PCDHGB3: variants seen among roughly 807,000 people sequenced by gnomAD.
PCDHGB3 encodes the protein protocadherin gamma-B3.
A neutral mutation model predicts 59.2 loss-of-function variants in PCDHGB3; 40 were observed. That is an observed-to-expected ratio of 0.68 (90% CI 0.52 to 0.88). The LOEUF (loss-of-function observed/expected upper bound fraction) is 0.88. Ranked by LOEUF, PCDHGB3 falls within the 40% of genes least tolerant of loss-of-function variation. The pLI is 0.00. For synonymous variants in PCDHGB3, 581 were observed against 503.6 expected (o/e 1.15, Z -2.06); for missense variants, 1,309 against 1,187.9 (o/e 1.10, Z -1.50).
chr5:141,415,740 GTTTTTTTTT>G (rs57426385), intron 1 of PCDHGB3: 9,508 of 621,550 alleles, frequency 0.015, 13 homozygotes, highest in Non-Finnish European at 0.016. Context: ...GTTTATTAAG[GTTTTTTTTT>G]TTTTTTTTTT....
At chr5:141,430,907 A>G (rs776543955) in intron 1 of PCDHGB3, 1 of 1,606,916 alleles carries the variant, frequency 6.2e-7, no homozygotes, top group Non-Finnish European at 8.5e-7. Flanking sequence ...CGACATCTCC[A>G]GGGACCTGGG....
At chr5:141,397,842 G>T (rs7703108) in intron 1 of PCDHGB3, 79,958 of 516,008 alleles carry the variant, frequency 0.15, 7,302 homozygotes, top group African/African-American at 0.31. Flanking sequence ...ACTTGAAGCC[G>T]CAGAGGCTGT....
chr5:141,374,457 A>G (rs775796857), intron 1 of PCDHGB3: 1 of 1,613,430 alleles, frequency 6.2e-7, no homozygotes. Context: ...GAAATAGTGG[A>G]CATTAATGAC....
chr5:141,432,586 C>T lies in PCDHGB3; in HGVS notation c.2415+59777C>T. The T allele has an allele frequency of 1.9e-6, 3 of 1,613,852 alleles. No homozygotes were observed. Among genetic ancestry groups the T allele is most frequent in the Non-Finnish European group, 2.5e-6 (3 of 1,179,972 alleles). On this transcript the variant is annotated intron_variant, in intron 1 of 3. Transcript: ENST00000576222. The surrounding 1 kb of genome is among the most constrained non-coding windows in gnomAD (Gnocchi z 6.0). ...ACGCCTGGCTGTCCTACCGTCTGCT[C>T]AAGGCCAGCGAGCCGGGACTCTTCT...
chr5:141,423,119 G>A (rs769320490), intron 1 of PCDHGB3: 1 of 1,613,774 alleles, frequency 6.2e-7, no homozygotes, highest in South Asian at 1.1e-5. Context: ...CGTACAGCGC[G>A]GGCACTGCTG....
At chr5:141,374,927 G>A (rs754203986) in intron 1 of PCDHGB3, 1 of 1,613,960 alleles carries the variant, frequency 6.2e-7, no homozygotes, top group Non-Finnish European at 8.5e-7. Flanking sequence ...TTATTCCTTT[G>A]TGAAGATTAC....
intron 1 of PCDHGB3, among the ~76,000 whole-genome samples, chr5:141,429,377 GT>G (rs566693637): frequency 1.3e-4 from 20 of 149,526 alleles, no homozygotes; most frequent in South Asian, 8.5e-4. Flanking sequence ...GAGAAAATGT[GT>G]TTTTTTTTTA....
chr5:141,508,829 C>G (rs370074494), intron 3 of PCDHGB3, among the ~76,000 whole-genome samples: 10 of 152,240 alleles, frequency 6.6e-5, no homozygotes, highest in Middle Eastern at 3.4e-3. Context: ...TCTGGGCCCC[C>G]CTCCCCTACC....
intron 1 of PCDHGB3, chr5:141,393,583 C>T: frequency 6.2e-7 from 1 of 1,613,930 alleles, no homozygotes. Flanking sequence ...AACATGCCCC[C>T]AGGCACGCGG....
chr5:141,460,430 G>T (rs1163518139), intron 1 of PCDHGB3, among the ~76,000 whole-genome samples: 2 of 152,110 alleles, frequency 1.3e-5, no homozygotes, highest in African/African-American at 4.8e-5. Flanking sequence ...ATGGTGTATG[G>T]TGTGAGGTAA....
intron 1 of PCDHGB3, chr5:141,418,015 G>C: frequency 6.2e-7 from 1 of 1,613,964 alleles, no homozygotes; most frequent in Non-Finnish European, 8.5e-7. Context: ...ACCTCGCTAA[G>C]GATCTAGGGC....
intron 1 of PCDHGB3, chr5:141,409,257 T>C: frequency 6.2e-7 from 1 of 1,614,022 alleles, no homozygotes; most frequent in Non-Finnish European, 8.5e-7. Flanking sequence ...ATCACTTCTC[T>C]CTCTGATCAG....
rs1275109387 is a variant in PCDHGB3 at position 141,431,924 on chromosome 5, A to G, written c.2415+59115A>G. The G allele has an allele frequency of 1.1e-5, 17 of 1,614,050 alleles. No homozygotes were observed. Among genetic ancestry groups the G allele is most frequent in the Non-Finnish European group, 1.4e-5 (17 of 1,179,982 alleles). On this transcript the variant is annotated intron_variant, in intron 1 of 3. Coordinates refer to ENST00000576222, the MANE Select transcript of PCDHGB3 (RefSeq NM_018924.5). The surrounding 1 kb of genome is among the most constrained non-coding windows in gnomAD (Gnocchi z 4.8). ...ACAGGTGATCTGTTTCATCCAAGGA[A>G]ATCTGCCCTTTAAATTAGAAAAATC... is the stretch of plus-strand genomic sequence containing the variant.
chr5:141,382,175 C>G (rs1273619481), intron 1 of PCDHGB3, among the ~76,000 whole-genome samples: 3 of 152,028 alleles, frequency 2.0e-5, no homozygotes, highest in Non-Finnish European at 2.9e-5. Context: ...TAGACCGTCT[C>G]TAAGGTTCTA....
chr5:141,389,789 C>A (rs1437335316), intron 1 of PCDHGB3: 4 of 1,613,328 alleles, frequency 2.5e-6, no homozygotes, highest in African/African-American at 2.7e-5. Flanking sequence ...ACAGGGACGC[C>A]GTCCGCCAGC....
In PCDHGB3 at chr5:141,493,307, AAG is replaced by A. The variant is rs2099747490; in HGVS notation, c.2416-1494_2416-1493del. Among the ~76,000 whole-genome samples, 1 of 152,234 alleles carries A rather than the reference AAG, an allele frequency of 6.6e-6. No homozygotes were observed. Among genetic ancestry groups the A allele is most frequent in the South Asian group, 2.1e-4 (1 of 4,832 alleles). ...ACTTGCTCAAGTTCACAGAGCAAGT[AAG>A]AGAGATTCTAACCCCTGTCTAACTC... On this transcript the variant is annotated intron_variant, in intron 1 of 3. Transcript: ENST00000576222. This position sits in a 1 kb window ranked among gnomAD's most constrained non-coding sequence, Gnocchi z 4.3.
At chr5:141,389,243 T>C (rs370534911) in intron 1 of PCDHGB3, 4 of 1,614,056 alleles carry the variant, frequency 2.5e-6, no homozygotes, top group Non-Finnish European at 3.4e-6. Flanking sequence ...TCTCACAGTC[T>C]TCCTATATAG....
intron 1 of PCDHGB3, chr5:141,409,000 C>T (rs779251035): frequency 6.2e-7 from 1 of 1,613,950 alleles, no homozygotes; most frequent in South Asian, 1.1e-5. Context: ...AAGTGACAGC[C>T]ACTGACCAGG....
At chr5:141,484,644 A>G (rs1165542601) in intron 1 of PCDHGB3, among the ~76,000 whole-genome samples, 1 of 151,748 alleles carries the variant, frequency 6.6e-6, no homozygotes, top group African/African-American at 2.4e-5. Flanking sequence ...CCACTCTCCA[A>G]TGGCTACTCT....
Sources: gnomAD v4.1 joint callset for allele counts (sites outside exome capture counted in the v4.1 genomes callset) on GRCh38, gnomAD v4.1.1 for gene constraint, Gnocchi (gnomAD v3.1) non-coding constraint, MANE v1.5 for transcripts, NCBI Gene and HGNC (gene_info 2026-07-23, HGNC 2026-07-21) for gene names.